CADPS: variants seen among roughly 807,000 people sequenced by gnomAD.
The protein encoded by CADPS is calcium-dependent secretion activator 1.
In CADPS, 57 loss-of-function variants were observed where a neutral mutation model predicts 167.3. The ratio of observed to expected loss-of-function variants is 0.34; its 90% CI spans 0.28 to 0.42. The LOEUF is 0.42. CADPS is among the 20% of genes least tolerant of loss of function. The probability of loss-of-function intolerance (pLI) is 1.00; values close to 1 mark genes in which losing one functional copy is unlikely to be tolerated. For synonymous variants in CADPS, 676 were observed against 635.3 expected, an observed-to-expected ratio of 1.06 and a Z score of -0.96; for missense variants, 1,414 against 1,738.1, an observed-to-expected ratio of 0.81 and a Z score of 3.32.
intron 1 of CADPS, among the ~76,000 whole-genome samples, chr3:62,773,657 A>C (rs1030155750): frequency 2.6e-5 from 4 of 152,162 alleles, no homozygotes; most frequent in Admixed American, 6.5e-5. Flanking sequence ...ACTTTCTTCT[A>C]AGCAATAATA....
chr3:62,842,597 G>A (rs1559878777), intron 1 of CADPS, among the ~76,000 whole-genome samples: 1 of 152,144 alleles, frequency 6.6e-6, no homozygotes, highest in Non-Finnish European at 1.5e-5. Context: ...CACTATAATA[G>A]GCACATTGCC....
chr3:62,513,684 C>T (rs1390687376), intron 16 of CADPS: 8 of 1,590,294 alleles, frequency 5.0e-6, no homozygotes, highest in Non-Finnish European at 6.0e-6. Flanking sequence ...AGACAGGATG[C>T]TCATACATTT....
rs2086755552 is a variant in CADPS, at chr3:62,765,997, G to A, written c.442-13C>T. The A allele has an allele frequency of 6.4e-7, 1 of 1,559,366 alleles. No individual in the cohort carries two copies. Among genetic ancestry groups the A allele is most frequent in the Non-Finnish European group, 8.8e-7 (1 of 1,132,030 alleles). On this transcript the variant is annotated splice_polypyrimidine_tract_variant and intron_variant, in intron 1 of 29. Coordinates refer to ENST00000383710, the MANE Select transcript of CADPS (RefSeq NM_003716.4). ...GCTGTTTGCTGATCTGTAAGAAACA[G>A]AAAAAGAGGGAAATGTGAGAACTTG... is the stretch of plus-strand genomic sequence containing the variant.
chr3:62,723,386 G>C (rs2076166858), intron 3 of CADPS, among the ~76,000 whole-genome samples: 1 of 152,138 alleles, frequency 6.6e-6, no homozygotes, highest in East Asian at 1.9e-4. Context: ...CAGCCTTAAG[G>C]TTGCAGACGG....
chr3:62,822,847 A>C (rs1246099992), intron 1 of CADPS, among the ~76,000 whole-genome samples: 1 of 151,932 alleles, frequency 6.6e-6, no homozygotes, highest in East Asian at 1.9e-4. Flanking sequence ...ATCTCAAAAA[A>C]ATAAAAATAA....
intron 1 of CADPS, among the ~76,000 whole-genome samples, chr3:62,773,004 C>G (rs2089310859): frequency 6.6e-6 from 1 of 151,808 alleles, no homozygotes; most frequent in Admixed American, 6.6e-5. Context: ...AAATCATTAT[C>G]TGGGAAAAAA....
chr3:62,702,664 T>C (rs988043642), intron 3 of CADPS, among the ~76,000 whole-genome samples: 1 of 152,156 alleles, frequency 6.6e-6, no homozygotes, highest in African/African-American at 2.4e-5. Context: ...AGTAGAACTT[T>C]CTGCAATGGT....
At chr3:62,822,267 T>A (rs485247) in intron 1 of CADPS, among the ~76,000 whole-genome samples, 5,813 of 152,270 alleles carry the variant, frequency 0.038, 372 homozygotes, top group African/African-American at 0.13. Flanking sequence ...GGCATTCTTA[T>A]AATTCTGCCT....
At chr3:62,496,716 C>T (rs751087816) in intron 18 of CADPS, among the ~76,000 whole-genome samples, 4 of 152,122 alleles carry the variant, frequency 2.6e-5, no homozygotes, top group Non-Finnish European at 5.9e-5. Context: ...GGATTCAAAG[C>T]CAAACTTCTC....
At chr3:62,519,446 C>T (rs1037406228) in intron 13 of CADPS, among the ~76,000 whole-genome samples, 2 of 152,090 alleles carry the variant, frequency 1.3e-5, no homozygotes, top group Admixed American at 6.6e-5. Flanking sequence ...TAAAAATGCC[C>T]TATTTGAAAT....
chr3:62,559,036 C>G (rs1234822994), intron 9 of CADPS, among the ~76,000 whole-genome samples: 2 of 152,224 alleles, frequency 1.3e-5, no homozygotes, highest in African/African-American at 4.8e-5. Flanking sequence ...GAGTCTTCAT[C>G]TGTATTTACC....
chr3:62,663,637 T>C (rs2073838915), intron 3 of CADPS, among the ~76,000 whole-genome samples: 2 of 146,788 alleles, frequency 1.4e-5, no homozygotes, highest in East Asian at 4.1e-4. Flanking sequence ...AAAAAGATTC[T>C]CACCTATGCT....
At chr3:62,857,041 A>C (rs2079845184) in intron 1 of CADPS, among the ~76,000 whole-genome samples, 1 of 151,780 alleles carries the variant, frequency 6.6e-6, no homozygotes, top group African/African-American at 2.4e-5. Flanking sequence ...GAACAACATA[A>C]CAAACATAAA....
At chr3:62,518,527 G>C (rs1253155940) in intron 13 of CADPS, among the ~76,000 whole-genome samples, 1 of 152,192 alleles carries the variant, frequency 6.6e-6, no homozygotes, top group Non-Finnish European at 1.5e-5. Context: ...CCCTGAACTT[G>C]TTCTGTTTGG....
intron 1 of CADPS, among the ~76,000 whole-genome samples, chr3:62,847,091 A>G (rs1247263460): frequency 6.6e-6 from 1 of 152,114 alleles, no homozygotes; most frequent in Admixed American, 6.5e-5. Context: ...GGGCAGTGAG[A>G]GCCTTTTCTA....
At chr3:62,687,616 A>G (rs2078293825) in intron 3 of CADPS, among the ~76,000 whole-genome samples, 1 of 151,748 alleles carries the variant, frequency 6.6e-6, no homozygotes, top group Non-Finnish European at 1.5e-5. Flanking sequence ...TTCAGGGGTG[A>G]TTATCATGAG....
At chr3:62,870,862 A>G (rs1048124315) in intron 1 of CADPS, among the ~76,000 whole-genome samples, 6 of 152,184 alleles carry the variant, frequency 3.9e-5, no homozygotes, top group African/African-American at 1.2e-4. Flanking sequence ...TACATAGTTT[A>G]GAAACATATG....
At chr3:62,567,548 C>T (rs917787748) in intron 9 of CADPS, among the ~76,000 whole-genome samples, 1 of 137,668 alleles carries the variant, frequency 7.3e-6, no homozygotes, top group African/African-American at 2.6e-5. Context: ...CGAGAACCAT[C>T]CATGACTAAG....
chr3:62,723,075 G>A (rs2076111784), intron 3 of CADPS, among the ~76,000 whole-genome samples: 1 of 152,178 alleles, frequency 6.6e-6, no homozygotes, highest in Admixed American at 6.5e-5. Flanking sequence ...GGTAAAGGGT[G>A]CAAGCTGGGG....
Sources: allele counts gnomAD v4.1 joint callset (sites outside exome capture counted in the v4.1 genomes callset), GRCh38; gene constraint gnomAD v4.1.1; transcripts MANE v1.5; gene names NCBI Gene and HGNC (gene_info 2026-07-23, HGNC 2026-07-21).